Variants in CACNA1E observed in about 807,000 individuals in gnomAD.
CACNA1E encodes voltage-dependent R-type calcium channel subunit alpha-1E.
A neutral mutation model predicts 259.2 loss-of-function variants in CACNA1E; 40 were observed. That is an observed-to-expected ratio of 0.15 (90% CI 0.12 to 0.20). CACNA1E has a LOEUF of 0.20. Among genes scored for constraint, CACNA1E ranks in the 10% least tolerant of loss-of-function variants. CACNA1E has a pLI of 1.00. For missense variants in CACNA1E, 1,874 were observed against 3,040.1 expected (o/e 0.62, Z 9.02); for synonymous variants, 1,104 against 1,138.5 (o/e 0.97, Z 0.61).
At chr1:181,484,716 G>A (rs886614130) in intron 1 of CACNA1E, among the ~76,000 whole-genome samples, 19 of 152,182 alleles carry the variant, frequency 1.2e-4, no homozygotes, top group Admixed American at 4.6e-4. Context: ...GGCCCATCCT[G>A]TCCTTGGTCC....
intron 2 of CACNA1E, among the ~76,000 whole-genome samples, chr1:181,429,649 T>C (rs1377474674): frequency 2.0e-5 from 3 of 152,218 alleles, no homozygotes; most frequent in Admixed American, 6.5e-5. Context: ...GTGCTTAGTA[T>C]GATTATTACT....
chr1:181,597,786 A>G (rs926749172), intron 6 of CACNA1E, among the ~76,000 whole-genome samples: 1 of 152,240 alleles, frequency 6.6e-6, no homozygotes, highest in African/African-American at 2.4e-5. Flanking sequence ...CATTTTATGC[A>G]GATGGCAGCA....
At chr1:181,620,667 C>G (rs1466349830) in intron 6 of CACNA1E, among the ~76,000 whole-genome samples, 1 of 152,152 alleles carries the variant, frequency 6.6e-6, no homozygotes, top group African/African-American at 2.4e-5. Flanking sequence ...CCTTAAGGAA[C>G]TTATCTGGTG....
Position 181,798,228 on chromosome 1 carries a change from C to G in CACNA1E, c.6400-64C>G. 1 of 1,346,500 alleles carries G rather than the reference C, an allele frequency of 7.4e-7. No individual in the cohort carries two copies. Among genetic ancestry groups the G allele is most frequent in the African/African-American group, 1.4e-5 (1 of 69,260 alleles). 83.4% of individuals were successfully genotyped at this position (1,346,500 alleles called of 1,614,324 possible). A position where few individuals can be genotyped will look rare whatever the true frequency, so the allele number is the denominator to read the frequency against. On this transcript the variant is annotated intron_variant, in intron 47 of 47. Transcript: ENST00000367573. This position sits in a 1 kb window ranked among gnomAD's most constrained non-coding sequence, Gnocchi z 4.2. Reference sequence around the variant, plus strand: ...ATTCAGATTCCAAGGACTCTCTTAACAGAGTTGCAAGTAGGGATCATGCCA... The same window carrying G: ...ATTCAGATTCCAAGGACTCTCTTAAGAGAGTTGCAAGTAGGGATCATGCCA...
At chr1:181,587,978 T>C (rs1652256295) in intron 6 of CACNA1E, among the ~76,000 whole-genome samples, 1 of 152,254 alleles carries the variant, frequency 6.6e-6, no homozygotes, top group African/African-American at 2.4e-5. Flanking sequence ...TCTCACTGCA[T>C]AGAAGTAGGG....
chr1:181,464,735 G>C lies in CACNA1E; in HGVS notation c.435-19009G>C, dbSNP rs113166042. 7.3e-3 allele frequency among the ~76,000 whole-genome samples: 1,109 copies of C among 151,254 alleles called. 7 individuals are homozygous for C. Among genetic ancestry groups the C allele is most frequent in the African/African-American group, 0.024 (969 of 41,186 alleles). ...TTTTCTTTACTTATTACATTAACCA[G>C]TACTTCAAGTCCAATACTGAATAGA... On this transcript the variant is annotated intron_variant, in intron 2 of 11. Transcript: ENST00000524607.
intron 3 of CACNA1E, among the ~76,000 whole-genome samples, chr1:181,552,355 G>T (rs576846537): frequency 6.6e-6 from 1 of 152,162 alleles, no homozygotes; most frequent in Non-Finnish European, 1.5e-5. Context: ...TGAGAAACAC[G>T]TTGAAATGGA....
At chr1:181,727,975 A>C (rs930998923) in intron 18 of CACNA1E, among the ~76,000 whole-genome samples, 1 of 152,040 alleles carries the variant, frequency 6.6e-6, no homozygotes, top group Non-Finnish European at 1.5e-5. Flanking sequence ...CTTTCGTAAC[A>C]AATGCCTGGC....
At chr1:181,347,167 C>CT (rs538249591) in intron 1 of CACNA1E, among the ~76,000 whole-genome samples, 198 of 152,310 alleles carry the variant, frequency 1.3e-3, no homozygotes, top group Middle Eastern at 3.4e-3. Context: ...CACCACACTA[C>CT]TGTATGCGCA....
Position 181,580,639 on chromosome 1 carries a change from G to A in CACNA1E, c.814G>A (p.Gly272Ser). The change falls in exon 6 of 48, where the codon GGC becomes AGC. Residue 272 changes from glycine to serine, a missense_variant. Physicochemically the swap from Gly to Ser is moderately conservative, Grantham distance 56. Transcript: ENST00000367573. Reference protein sequence around the residue: ...FDPPHPCGVQGCPAGYECKDW... With the variant: ...FDPPHPCGVQSCPAGYECKDW... ...CCCCCCTCACCCATGTGGTGTGCAGGGCTGCCCAGCTGGTTATGAATGCAA... is the reference window on the plus strand; with the variant it reads ...CCCCCCTCACCCATGTGGTGTGCAGAGCTGCCCAGCTGGTTATGAATGCAA... 1.2e-6 allele frequency: 2 copies of A among 1,614,070 alleles called. No individual in the cohort carries two copies.
intron 1 of CACNA1E, among the ~76,000 whole-genome samples, chr1:181,499,099 A>G (rs1665025637): frequency 6.6e-6 from 1 of 152,206 alleles, no homozygotes; most frequent in South Asian, 2.1e-4. Flanking sequence ...TGAAATGATA[A>G]TATAAAACTC....
At chr1:181,543,548 ATC>A (rs887692568) in intron 3 of CACNA1E, among the ~76,000 whole-genome samples, 3 of 152,174 alleles carry the variant, frequency 2.0e-5, no homozygotes, top group Non-Finnish European at 4.4e-5. Flanking sequence ...AGCTTGCTTC[ATC>A]TCTCTCTGTC....
chr1:181,542,660 T>G (rs1382438600), intron 3 of CACNA1E, among the ~76,000 whole-genome samples: 1 of 152,064 alleles, frequency 6.6e-6, no homozygotes, highest in African/African-American at 2.4e-5. Context: ...GATTCTAAGT[T>G]TCCTGAGGCC....
At chr1:181,413,676 A>C (rs992150845) in intron 2 of CACNA1E, 2 of 152,372 alleles carry the variant, frequency 1.3e-5, no homozygotes, top group Middle Eastern at 3.1e-3. Context: ...GCCGCCCTGG[A>C]GGGTCGGGAG....
intron 6 of CACNA1E, among the ~76,000 whole-genome samples, chr1:181,594,448 G>C (rs1353192194): frequency 3.3e-5 from 5 of 152,206 alleles, no homozygotes; most frequent in African/African-American, 1.2e-4. Context: ...ACCTAGGCTG[G>C]AGTGCAGTGG....
At chr1:181,512,756 G>T (rs1475345845) in intron 3 of CACNA1E, among the ~76,000 whole-genome samples, 1 of 152,172 alleles carries the variant, frequency 6.6e-6, no homozygotes, top group Non-Finnish European at 1.5e-5. Flanking sequence ...TAAATAGACT[G>T]GGATGACTAT....
At chr1:181,688,944 G>A (rs1650857763) in intron 7 of CACNA1E, among the ~76,000 whole-genome samples, 1 of 152,124 alleles carries the variant, frequency 6.6e-6, no homozygotes, top group Admixed American at 6.6e-5. Context: ...TTAGCATAAT[G>A]TCTTTGAGGT....
chr1:181,510,865 G>T (rs1042020183), intron 2 of CACNA1E, among the ~76,000 whole-genome samples: 2 of 152,248 alleles, frequency 1.3e-5, no homozygotes, highest in Admixed American at 1.3e-4. Context: ...ACGAGAGGAA[G>T]AGGTGGGGAG....
chr1:181,591,371 C>T (rs1652629800), intron 6 of CACNA1E, among the ~76,000 whole-genome samples: 3 of 152,166 alleles, frequency 2.0e-5, no homozygotes, highest in Admixed American at 2.0e-4. Context: ...AGTGATCACA[C>T]TATTACCTTT....
Sources: gnomAD v4.1 joint callset for allele counts (sites outside exome capture counted in the v4.1 genomes callset) on GRCh38, gnomAD v4.1.1 for gene constraint, Gnocchi (gnomAD v3.1) non-coding constraint, MANE v1.5 for transcripts, NCBI Gene and HGNC (gene_info 2026-07-23, HGNC 2026-07-21) for gene names.